Variants in CTNND1 observed in about 807,000 individuals in gnomAD.
CTNND1 encodes catenin delta 1.
A neutral mutation model predicts 112.1 loss-of-function variants in CTNND1; 16 were observed. That is an observed-to-expected ratio of 0.14 (90% CI 0.10 to 0.22). The LOEUF is 0.22. Ranked by LOEUF, CTNND1 falls within the 10% of genes least tolerant of loss-of-function variation. The pLI is 1.00. For synonymous variants in CTNND1, 420 were observed against 446.5 expected (o/e 0.94, Z 0.75); for missense variants, 1,008 against 1,257.0 (o/e 0.80, Z 3.00).
In CTNND1 at chr11:57,788,135, C is replaced by T. The variant is rs915431871; in HGVS notation, c.-213-902C>T. On this transcript the variant is annotated intron_variant, in intron 1 of 20. Coordinates refer to ENST00000399050, the MANE Select transcript of CTNND1 (RefSeq NM_001085458.2). The surrounding 1 kb of genome is among the most constrained non-coding windows in gnomAD (Gnocchi z 4.1). ...AGAATCTCTTTTTGAGCTCAGAGTC[C>T]TCTTGGTGTGGAAGGTTCATAGGTC... Among the ~76,000 whole-genome samples, 2 of 152,088 alleles carry T rather than the reference C, an allele frequency of 1.3e-5. No homozygotes were observed. The highest frequency in any genetic ancestry group is 2.9e-5 in the Non-Finnish European group (2 of 68,030).
intron 1 of CTNND1, among the ~76,000 whole-genome samples, chr11:57,767,857 G>A (rs534138046): frequency 2.9e-4 from 43 of 146,364 alleles, no homozygotes; most frequent in Admixed American, 1.8e-3. Context: ...TTTTTGAGAC[G>A]GAGTCTTGCT....
In CTNND1 at chr11:57,815,386, T is replaced by C. The variant is rs1325429747; in HGVS notation, c.2702-8T>C. 2 of 1,541,258 alleles carry C rather than the reference T, an allele frequency of 1.3e-6. No homozygotes were observed. Among genetic ancestry groups the C allele is most frequent in the Non-Finnish European group, 1.8e-6 (2 of 1,140,362 alleles). On this transcript the variant is annotated splice_polypyrimidine_tract_variant and splice_region_variant and intron_variant, in intron 18 of 20. Coordinates refer to ENST00000399050, the MANE Select transcript of CTNND1 (RefSeq NM_001085458.2). ...CATATTTCTGTGTACTTTTTTTTTT[T>C]TAACCAGATAACAACTATTCCACAC...
chr11:57,764,568 CT>C (rs1380285600), intron 1 of CTNND1, among the ~76,000 whole-genome samples: 2 of 152,118 alleles, frequency 1.3e-5, no homozygotes, highest in Non-Finnish European at 2.9e-5. Context: ...TCATTCCCCC[CT>C]ACCTCCCCAC....
intron 7 of CTNND1, among the ~76,000 whole-genome samples, chr11:57,803,393 G>A (rs566362804): frequency 1.2e-3 from 189 of 152,254 alleles, no homozygotes; most frequent in African/African-American, 4.2e-3. Context: ...CAGCCTGAGC[G>A]TTGCTTATAG....
At chr11:57,777,011 C>T (rs1005595899) in intron 1 of CTNND1, among the ~76,000 whole-genome samples, 1 of 152,040 alleles carries the variant, frequency 6.6e-6, no homozygotes, top group Non-Finnish European at 1.5e-5. Context: ...TTGGTCTGGG[C>T]TATGCATAAG....
At chr11:57,813,248 C>G (rs946289523) in intron 17 of CTNND1, among the ~76,000 whole-genome samples, 2 of 152,118 alleles carry the variant, frequency 1.3e-5, no homozygotes, top group African/African-American at 2.4e-5. Context: ...TCACTTGAGC[C>G]CAGGTGGTCA....
rs1949973719 is a variant in CTNND1, at chr11:57,762,126, G to A, written c.-214+7G>A. On this transcript the variant is annotated splice_region_variant and intron_variant, in intron 1 of 20. Transcript: ENST00000399050. ...GTCGAATTTTTGTCTTACGGTAACC[G>A]GAGGGAATTAAAAAACGGGAGAGTC... 1 of 983,598 alleles carries A rather than the reference G, an allele frequency of 1.0e-6. No individual in the cohort carries two copies. Among genetic ancestry groups the A allele is most frequent in the South Asian group, 4.7e-5 (1 of 21,256 alleles). 60.9% of individuals were successfully genotyped at this position (983,598 alleles called of 1,614,324 possible).
intron 16 of CTNND1, among the ~76,000 whole-genome samples, chr11:57,811,124 G>A (rs955622379): frequency 1.4e-4 from 22 of 152,082 alleles, no homozygotes; most frequent in African/African-American, 4.1e-4. Flanking sequence ...CAAATCTACC[G>A]TAGCCCTTTG....
Position 57,815,919 on chromosome 11 carries a change from A to T in CTNND1, c.2813A>T (p.Asp938Val). 2 of 1,608,198 alleles carry T rather than the reference A, an allele frequency of 1.2e-6. No homozygotes were observed. Among genetic ancestry groups the T allele is most frequent in the Non-Finnish European group, 1.7e-6 (2 of 1,178,404 alleles). ...ACAAATTGCATGTGTTCACAGCAGG[A>T]CGAGGGGCAGGAATCTCTGGAGGAA... ...PLKGTTPLMQ[D>V]EGQESLEEEL... The change falls in exon 20 of 21, where the codon GAC (aspartate) becomes GTC (valine). Residue 938 changes from aspartate (D) to valine (V), a missense_variant. Transcript: ENST00000399050.
intron 1 of CTNND1, among the ~76,000 whole-genome samples, chr11:57,774,057 CAT>C (rs1386710937): frequency 3.9e-5 from 6 of 152,168 alleles, no homozygotes; most frequent in Admixed American, 6.5e-5. Flanking sequence ...TTCGGTGACA[CAT>C]GTTTACTTGT....
rs1327914254 is a variant in CTNND1 at position 57,796,958 on chromosome 11, A to T, written c.922A>T (p.Thr308Ser). 6.5e-7 allele frequency: 1 copy of T among 1,529,626 alleles called. No individual in the cohort carries two copies. Among genetic ancestry groups the T allele is most frequent in the Non-Finnish European group, 8.8e-7 (1 of 1,130,142 alleles). The allele number at this position is 1,529,626 out of a possible 1,614,324, so 94.8% of individuals were successfully genotyped here. A position where few individuals can be genotyped will look rare whatever the true frequency, so the allele number is the denominator to read the frequency against. The change falls in exon 6 of 21, where the codon ACT (threonine) becomes TCT (serine). Residue 308 changes from threonine (T) to serine (S), a missense_variant. Around this residue, in one of 5 missense-constraint regions of CTNND1, gnomAD observed 404 missense variants for 457.9 expected, o/e 0.88. Coordinates refer to ENST00000399050, the MANE Select transcript of CTNND1 (RefSeq NM_001085458.2). ...GTCTGATTATGGCACTGCCCGTCGG[A>T]CTGGGACACCCTCTGACCCTCGTCG... ...MMSDYGTARR[T>S]GTPSDPRRRL...
chr11:57,783,485 C>T lies in CTNND1; in HGVS notation c.-213-5552C>T, dbSNP rs549358307. Among the ~76,000 whole-genome samples, 269 of 152,070 alleles carry T rather than the reference C, an allele frequency of 1.8e-3. 1 individual carries two copies. Among genetic ancestry groups the T allele is most frequent in the Non-Finnish European group, 2.7e-3 (186 of 67,964 alleles). On this transcript the variant is annotated intron_variant, in intron 1 of 20. Coordinates refer to ENST00000399050, the MANE Select transcript of CTNND1 (RefSeq NM_001085458.2). Reference sequence around the variant, plus strand: ...CCATCCTGGCTAACACGGTGAAACCCCGTCTCTACTAAAAATACAAAAAAT... The same window carrying T: ...CCATCCTGGCTAACACGGTGAAACCTCGTCTCTACTAAAAATACAAAAAAT...
chr11:57,812,525 GAA>G (rs796176463), intron 17 of CTNND1, among the ~76,000 whole-genome samples: 1 of 147,894 alleles, frequency 6.8e-6, no homozygotes, highest in Non-Finnish European at 1.5e-5. Flanking sequence ...CGTATCAAAA[GAA>G]AAAAAAAATC....
intron 1 of CTNND1, among the ~76,000 whole-genome samples, chr11:57,765,460 A>ATTTTT (rs5792061): frequency 2.8e-5 from 3 of 105,580 alleles, no homozygotes; most frequent in Non-Finnish European, 3.7e-5. Flanking sequence ...TCCTCCCTTA[A>ATTTTT]TTTTTTTTTT....
intron 2 of CTNND1, among the ~76,000 whole-genome samples, chr11:57,790,794 G>A (rs1211692194): frequency 6.6e-6 from 1 of 151,956 alleles, no homozygotes; most frequent in Non-Finnish European, 1.5e-5. Flanking sequence ...TTCTGACCTC[G>A]TGATCCGCCT....
intron 1 of CTNND1, among the ~76,000 whole-genome samples, chr11:57,780,345 T>C (rs2059443194): frequency 6.6e-6 from 1 of 151,862 alleles, no homozygotes; most frequent in Admixed American, 6.6e-5. Flanking sequence ...TTGAACCACC[T>C]CTCCTGGCCC....
intron 1 of CTNND1, among the ~76,000 whole-genome samples, chr11:57,767,111 A>G (rs950869266): frequency 2.6e-5 from 4 of 151,984 alleles, no homozygotes; most frequent in Admixed American, 1.3e-4. Flanking sequence ...AGCTGGGACT[A>G]CAGGTGCGCG....
chr11:57,801,069 C>T (rs2061973828), intron 6 of CTNND1, among the ~76,000 whole-genome samples: 1 of 152,210 alleles, frequency 6.6e-6, no homozygotes, highest in Admixed American at 6.5e-5. Context: ...GAGTAGCAGA[C>T]ATGACCTTGG....
Position 57,808,553 on chromosome 11 carries a change from A to G in CTNND1, c.2242+13A>G. 1.3e-6 allele frequency: 2 copies of G among 1,571,522 alleles called. No individual in the cohort carries two copies. Among genetic ancestry groups the G allele is most frequent in the Non-Finnish European group, 1.7e-6 (2 of 1,161,844 alleles). On this transcript the variant is annotated intron_variant, in intron 14 of 20. Coordinates refer to ENST00000399050, the MANE Select transcript of CTNND1 (RefSeq NM_001085458.2). ...AAAGAATTAATTGGTGAGGAGTTGA[A>G]TGCTAACTGTTACCTCAAAATTTAG...
Sources: allele counts gnomAD v4.1 joint callset (sites outside exome capture counted in the v4.1 genomes callset), GRCh38; gene constraint gnomAD v4.1.1; regional missense constraint gnomAD v4.1.1; non-coding constraint Gnocchi (gnomAD v3.1); transcripts MANE v1.5; gene names NCBI Gene and HGNC (gene_info 2026-07-23, HGNC 2026-07-21).